The following FRMD5 variants were observed in gnomAD, a reference collection of about 807,000 sequenced individuals.
The protein encoded by FRMD5 is FERM domain containing 5.
FRMD5 carries 20 observed loss-of-function variants against 69.0 expected under a neutral mutation model. That is an observed-to-expected ratio of 0.29 (90% CI 0.20 to 0.42). The LOEUF (loss-of-function observed/expected upper bound fraction) is 0.42, where lower values mean the gene tolerates loss of function less well. FRMD5 is among the 10% of genes least tolerant of loss of function. FRMD5 has a pLI of 1.00. For missense variants in FRMD5, 595 were observed against 708.6 expected, an observed-to-expected ratio of 0.84 and a Z score of 1.82; for synonymous variants, 271 against 260.1, an observed-to-expected ratio of 1.04 and a Z score of -0.40.
chr15:43,962,379 C>T, intron 1 of FRMD5, among the ~76,000 whole-genome samples: 1 of 152,176 alleles, frequency 6.6e-6, no homozygotes, highest in Non-Finnish European at 1.5e-5. Flanking sequence ...AGGAGAACTA[C>T]AAACCACTGT....
chr15:44,087,336 G>C (rs907888565), intron 1 of FRMD5, among the ~76,000 whole-genome samples: 3 of 152,082 alleles, frequency 2.0e-5, no homozygotes, highest in African/African-American at 4.8e-5. Flanking sequence ...TTAAAATAGA[G>C]TAAGTAGAAC....
At chr15:44,176,566 A>G (rs1238089859) in intron 1 of FRMD5, among the ~76,000 whole-genome samples, 1 of 152,192 alleles carries the variant, frequency 6.6e-6, no homozygotes, top group Non-Finnish European at 1.5e-5. Flanking sequence ...TTGTGCTTCA[A>G]AAGATACCAT....
chr15:43,983,697 C>T (rs575285558), intron 1 of FRMD5, among the ~76,000 whole-genome samples: 39 of 152,270 alleles, frequency 2.6e-4, no homozygotes, highest in African/African-American at 8.7e-4. Flanking sequence ...TAGCTAAGTT[C>T]GTTGACCACT....
At chr15:44,087,041 T>C (rs1894224920) in intron 1 of FRMD5, among the ~76,000 whole-genome samples, 2 of 152,156 alleles carry the variant, frequency 1.3e-5, no homozygotes, top group South Asian at 2.1e-4. Flanking sequence ...CAGTGTTTTT[T>C]TGTTTGTTCA....
intron 5 of FRMD5, among the ~76,000 whole-genome samples, chr15:43,908,713 G>A (rs1033083719): frequency 6.6e-6 from 1 of 152,158 alleles, no homozygotes; most frequent in Non-Finnish European, 1.5e-5. Flanking sequence ...AAGGGGACGT[G>A]TGTGAAGAGT....
At chr15:43,949,651 T>C (rs1338886770) in intron 1 of FRMD5, among the ~76,000 whole-genome samples, 3 of 152,222 alleles carry the variant, frequency 2.0e-5, no homozygotes, top group Admixed American at 2.0e-4. Flanking sequence ...TCATTCCACA[T>C]AGCCAATGGT....
At chr15:44,177,467 C>T (rs940042386) in intron 1 of FRMD5, among the ~76,000 whole-genome samples, 9 of 152,012 alleles carry the variant, frequency 5.9e-5, no homozygotes, top group African/African-American at 2.2e-4. Context: ...CAAAAGACCA[C>T]GTTGTATGAT....
chr15:44,094,969 C>T (rs963374208), intron 1 of FRMD5, among the ~76,000 whole-genome samples: 6 of 151,950 alleles, frequency 3.9e-5, no homozygotes, highest in African/African-American at 7.3e-5. Context: ...CAGTGATTCA[C>T]GATGCATTAC....
chr15:44,050,656 CT>C (rs34621458), intron 1 of FRMD5, among the ~76,000 whole-genome samples: 119,366 of 142,392 alleles, frequency 0.84, 51,836 homozygotes, highest in Non-Finnish European at 0.95. Context: ...GCACACTGGC[CT>C]TTTTTTTTTT....
chr15:44,028,004 A>C (rs1230715056), intron 1 of FRMD5, among the ~76,000 whole-genome samples: 2 of 152,068 alleles, frequency 1.3e-5, no homozygotes, highest in African/African-American at 4.8e-5. Context: ...TTCACACGTC[A>C]CTGGCCAAAG....
chr15:44,031,830 G>C (rs1891697519), intron 1 of FRMD5, among the ~76,000 whole-genome samples: 1 of 152,004 alleles, frequency 6.6e-6, no homozygotes, highest in African/African-American at 2.4e-5. Flanking sequence ...ACTAAAAATG[G>C]GGACATCTTT....
chr15:43,937,824 T>C lies in FRMD5; in HGVS notation c.103-13515A>G, dbSNP rs114628641. On this transcript the variant is annotated intron_variant, in intron 1 of 13. Coordinates refer to ENST00000417257, the MANE Select transcript of FRMD5 (RefSeq NM_032892.5). Reference sequence around the variant, plus strand: ...AGAGTTGTTTCAAGTTTAGCCAAGATAGCCAAGTCTTTTATAAGCTTGTCT... The same window carrying C: ...AGAGTTGTTTCAAGTTTAGCCAAGACAGCCAAGTCTTTTATAAGCTTGTCT... 2.4e-3 allele frequency among the ~76,000 whole-genome samples: 361 copies of C among 152,242 alleles called. 1 individual carries two copies. The highest frequency in any genetic ancestry group is 8.3e-3 in the African/African-American group (344 of 41,536).
At chr15:43,882,988 G>T (rs561147191) in intron 13 of FRMD5, among the ~76,000 whole-genome samples, 1 of 151,950 alleles carries the variant, frequency 6.6e-6, no homozygotes, top group African/African-American at 2.4e-5. Context: ...TGTATTTTTG[G>T]TAGAGAAGGG....
intron 1 of FRMD5, among the ~76,000 whole-genome samples, chr15:44,182,046 T>C (rs957131245): frequency 1.3e-5 from 2 of 151,764 alleles, no homozygotes; most frequent in Non-Finnish European, 2.9e-5. Context: ...AGTCTCACTC[T>C]GTCGCCCAGG....
intron 1 of FRMD5, among the ~76,000 whole-genome samples, chr15:44,065,285 G>A (rs1357710482): frequency 6.6e-6 from 1 of 152,160 alleles, no homozygotes; most frequent in Non-Finnish European, 1.5e-5. Context: ...AGAGGTCCTG[G>A]TAGGACTAGG....
chr15:44,068,562 C>T lies in FRMD5; in HGVS notation c.102+126391G>A, dbSNP rs533528312. ...TAGGCAATTTGATAGAGAAAGAAAG[C>T]AGATTAGTGGTTTCCAGGGGCTGAG... On this transcript the variant is annotated intron_variant, in intron 1 of 13. Transcript: ENST00000417257. Among the ~76,000 whole-genome samples the T allele has an allele frequency of 2.0e-5, 3 of 152,210 alleles. No individual in the cohort carries two copies. In the East Asian group the frequency reaches 5.8e-4, roughly 29 times the overall value.
At position 44,159,062 on chromosome 15, in the gene FRMD5, A is replaced by G. The variant is rs542883201; in HGVS notation, c.102+35891T>C. Among the ~76,000 whole-genome samples the G allele has an allele frequency of 4.0e-5, 6 of 151,766 alleles. 1 individual carries two copies. The South Asian group carries it at 1.2e-3, about 31-fold the overall frequency. On this transcript the variant is annotated intron_variant, in intron 1 of 13. Transcript: ENST00000417257. ...TAGAACCAAGCCTAGAGAGATCCTT[A>G]GGAGGAACAGGGATGGGAGCAGAGG...
chr15:43,873,130 G>A lies in FRMD5; in HGVS notation c.*755C>T. ...GTCTAGTTTCATTATACAAAACTAT[G>A]GTGATGCCCACTAGGCTCTAGACTA... is the stretch of plus-strand genomic sequence containing the variant. On this transcript the variant is annotated 3_prime_UTR_variant, in exon 14 of 14. Transcript: ENST00000417257. 1.3e-6 allele frequency: 2 copies of A among 1,499,978 alleles called. No homozygotes were observed. The highest frequency in any genetic ancestry group is 1.2e-5 in the South Asian group (1 of 81,278). The allele number at this position is 1,499,978 out of a possible 1,614,324, so 92.9% of individuals were successfully genotyped here.
intron 1 of FRMD5, among the ~76,000 whole-genome samples, chr15:43,932,377 T>G (rs887258795): frequency 6.6e-6 from 1 of 151,578 alleles, no homozygotes; most frequent in African/African-American, 2.4e-5. Context: ...CGTCTTCTTC[T>G]TACCCAAGGC....
Sources: allele counts gnomAD v4.1 joint callset (sites outside exome capture counted in the v4.1 genomes callset), GRCh38; gene constraint gnomAD v4.1.1; transcripts MANE v1.5; gene names NCBI Gene and HGNC (gene_info 2026-07-23, HGNC 2026-07-21).